Variants in ST8SIA2 observed in about 807,000 individuals in gnomAD.
ST8SIA2 encodes the protein ST8 alpha-N-acetyl-neuraminide alpha-2,8-sialyltransferase 2.
Under a neutral mutation model 37.6 loss-of-function variants are expected in ST8SIA2, and 22 were observed. The observed-to-expected ratio is 0.58, with a 90% CI of 0.42 to 0.83. The LOEUF is 0.83. Among genes scored for constraint, ST8SIA2 ranks in the 40% least tolerant of loss-of-function variants. ST8SIA2 has a pLI of 0.00. For synonymous variants in ST8SIA2, 205 were observed against 201.2 expected (o/e 1.02, Z -0.16); for missense variants, 382 against 484.7 (o/e 0.79, Z 1.99).
intron 1 of ST8SIA2, among the ~76,000 whole-genome samples, chr15:92,412,621 T>C (rs2049557901): frequency 1.3e-5 from 2 of 152,226 alleles, no homozygotes; most frequent in Admixed American, 6.5e-5. Context: ...CAGTCTGGTA[T>C]GCACCACCAT....
chr15:92,394,057 A>C lies in ST8SIA2; in HGVS notation c.-8A>C, dbSNP rs2049410724. The C allele has an allele frequency of 6.5e-7, 1 of 1,547,214 alleles. No individual in the cohort carries two copies. Among genetic ancestry groups the C allele is most frequent in the African/African-American group, 1.4e-5 (1 of 72,658 alleles). ...GCCCGCGTGGGTCCCGGCGGGCGCG[A>C]ACCCACCATGCAGCTGCAGTTCCGG... is the stretch of plus-strand genomic sequence containing the variant. On this transcript the variant is annotated 5_prime_UTR_variant, in exon 1 of 6. Coordinates refer to ENST00000268164, the MANE Select transcript of ST8SIA2 (RefSeq NM_006011.4).
In ST8SIA2 at chr15:92,393,984, G is replaced by C; in HGVS notation, c.-81G>C. 1.0e-6 allele frequency: 1 copy of C among 999,140 alleles called. No individual in the cohort carries two copies. Among genetic ancestry groups the C allele is most frequent in the Non-Finnish European group, 1.3e-6 (1 of 742,922 alleles). 61.9% of individuals were successfully genotyped at this position (999,140 alleles called of 1,614,324 possible). On this transcript the variant is annotated 5_prime_UTR_variant, in exon 1 of 6. Coordinates refer to ENST00000268164, the MANE Select transcript of ST8SIA2 (RefSeq NM_006011.4). Reference sequence around the variant, plus strand: ...TGCCCAGCTGCGCGCGGCGCGCGGAGGCTCCGGCGTCCGCCGCTGCGCCCT... The same window carrying C: ...TGCCCAGCTGCGCGCGGCGCGCGGACGCTCCGGCGTCCGCCGCTGCGCCCT...
At chr15:92,440,382 T>A (rs2049792694) in intron 4 of ST8SIA2, among the ~76,000 whole-genome samples, 1 of 152,122 alleles carries the variant, frequency 6.6e-6, no homozygotes, top group African/African-American at 2.4e-5. Context: ...CAACTCAGCA[T>A]TTCTAACAAG....
chr15:92,425,600 T>G (rs2049669649), intron 1 of ST8SIA2, among the ~76,000 whole-genome samples: 1 of 152,162 alleles, frequency 6.6e-6, no homozygotes, highest in South Asian at 2.1e-4. Flanking sequence ...ATCACGGGGC[T>G]CTACACAAGG....
intron 5 of ST8SIA2, among the ~76,000 whole-genome samples, chr15:92,445,474 G>A (rs1049068263): frequency 6.6e-6 from 1 of 152,152 alleles, no homozygotes; most frequent in Non-Finnish European, 1.5e-5. Flanking sequence ...ATCAATCATC[G>A]CTATCTTTAT....
rs1567208193 is a variant in ST8SIA2 at position 92,396,642 on chromosome 15, T to TGC, written c.98+2481_98+2482dup. On this transcript the variant is annotated intron_variant, in intron 1 of 5. Coordinates refer to ENST00000268164, the MANE Select transcript of ST8SIA2 (RefSeq NM_006011.4). ...CCGAGTAGCTGGGATTACAGGCACC[T>TGC]GCCACCACACCAGGCTAATTTTTGT... Among the ~76,000 whole-genome samples the TGC allele has an allele frequency of 7.8e-3, 1,183 of 152,040 alleles. 10 individuals carry two copies. The highest frequency in any genetic ancestry group is 0.027 in the African/African-American group (1,129 of 41,490).
Position 92,404,729 on chromosome 15 carries a change from G to A in ST8SIA2, c.98+10567G>A, listed in dbSNP as rs928883094. Among the ~76,000 whole-genome samples, 11 of 151,622 alleles carry A rather than the reference G, an allele frequency of 7.3e-5. No homozygotes were observed. In the East Asian group the frequency reaches 7.8e-4, roughly 11 times the overall value. ...TGCATGCCTGTAGTCCCAGCTACTCGGAGGCTGAGACAGGAGAATAGGTTG... is the reference window on the plus strand; with the variant it reads ...TGCATGCCTGTAGTCCCAGCTACTCAGAGGCTGAGACAGGAGAATAGGTTG... On this transcript the variant is annotated intron_variant, in intron 1 of 5. Coordinates refer to ENST00000268164, the MANE Select transcript of ST8SIA2 (RefSeq NM_006011.4).
At chr15:92,416,190 G>A (rs2049585172) in intron 1 of ST8SIA2, among the ~76,000 whole-genome samples, 1 of 149,520 alleles carries the variant, frequency 6.7e-6, no homozygotes, top group Non-Finnish European at 1.5e-5. Context: ...TCACCCTCAG[G>A]TGGACGAGCT....
chr15:92,434,586 G>A (rs774674857), intron 3 of ST8SIA2, among the ~76,000 whole-genome samples: 7 of 149,818 alleles, frequency 4.7e-5, no homozygotes, highest in African/African-American at 7.6e-5. Context: ...GGGGCCAGGC[G>A]GTGGCAGGAA....
chr15:92,442,094 CCTT>C (rs2049807418), intron 4 of ST8SIA2, among the ~76,000 whole-genome samples: 1 of 152,350 alleles, frequency 6.6e-6, no homozygotes, highest in South Asian at 2.1e-4. Context: ...CCTAACGCCT[CCTT>C]CTCAACTAAA....
At chr15:92,419,989 C>T (rs910755639) in intron 1 of ST8SIA2, among the ~76,000 whole-genome samples, 3 of 152,190 alleles carry the variant, frequency 2.0e-5, no homozygotes, top group Admixed American at 1.3e-4. Context: ...CCTCAGCCTC[C>T]GGAGTAGCTA....
intron 5 of ST8SIA2, among the ~76,000 whole-genome samples, chr15:92,458,409 T>C (rs986281865): frequency 1.1e-4 from 16 of 152,106 alleles, no homozygotes; most frequent in Admixed American, 1.0e-3. Context: ...TGCCAGGAGA[T>C]GTTTGTTGAG....
chr15:92,395,876 C>T (rs1290223174), intron 1 of ST8SIA2, among the ~76,000 whole-genome samples: 1 of 152,230 alleles, frequency 6.6e-6, no homozygotes, highest in East Asian at 1.9e-4. Flanking sequence ...TATCCAGGCA[C>T]CCCTAGGTCA....
At chr15:92,401,246 G>A (rs2049468738) in intron 1 of ST8SIA2, among the ~76,000 whole-genome samples, 1 of 152,198 alleles carries the variant, frequency 6.6e-6, no homozygotes, top group South Asian at 2.1e-4. Flanking sequence ...GGCACTGTGG[G>A]GTGAGACACC....
chr15:92,427,422 T>C (rs1428835530), intron 1 of ST8SIA2, among the ~76,000 whole-genome samples: 4 of 152,158 alleles, frequency 2.6e-5, no homozygotes, highest in Admixed American at 2.6e-4. Flanking sequence ...ATAACTTAGA[T>C]ATATTGGTAT....
At position 92,441,274 on chromosome 15, in the gene ST8SIA2, C is replaced by T. The variant is rs75264033; in HGVS notation, c.548+2664C>T. Among the ~76,000 whole-genome samples the T allele has an allele frequency of 8.6e-3, 1,305 of 152,266 alleles. 21 individuals are homozygous for T. Among genetic ancestry groups the T allele is most frequent in the African/African-American group, 0.03 (1,245 of 41,548 alleles). ...AAAACCTAGTGCCTCCTAGGGAGTC[C>T]AGGGCAGGCTTCCGGCAGAAGCGGC... On this transcript the variant is annotated intron_variant, in intron 4 of 5. Coordinates refer to ENST00000268164, the MANE Select transcript of ST8SIA2 (RefSeq NM_006011.4).
chr15:92,398,680 T>G, intron 1 of ST8SIA2, among the ~76,000 whole-genome samples: 1 of 152,186 alleles, frequency 6.6e-6, no homozygotes, highest in East Asian at 1.9e-4. Flanking sequence ...CTATCCCCAT[T>G]TATTGATGAA....
intron 1 of ST8SIA2, among the ~76,000 whole-genome samples, chr15:92,405,375 T>G (rs11074069): frequency 0.32 from 48,953 of 152,166 alleles, 9,253 homozygotes; most frequent in Middle Eastern, 0.43. Flanking sequence ...TTTTGCAAGA[T>G]GAAAAGAGTT....
At chr15:92,425,848 C>A (rs2049671600) in intron 1 of ST8SIA2, among the ~76,000 whole-genome samples, 2 of 152,032 alleles carry the variant, frequency 1.3e-5, no homozygotes. Context: ...ATACTGGCCC[C>A]CAGTAAATGA....
Sources: gnomAD v4.1 joint callset for allele counts (sites outside exome capture counted in the v4.1 genomes callset) on GRCh38, gnomAD v4.1.1 for gene constraint, MANE v1.5 for transcripts, NCBI Gene and HGNC (gene_info 2026-07-23, HGNC 2026-07-21) for gene names.